SMIM31: variants seen among roughly 807,000 people sequenced by gnomAD.
SMIM31 encodes human epithelial cell program regulator.
At chr4:164,791,286 A>T (rs1733097188) in intron 2 of SMIM31, among the ~76,000 whole-genome samples, 1 of 152,218 alleles carries the variant, frequency 6.6e-6, no homozygotes, top group East Asian at 1.9e-4. Flanking sequence ...ATGAAAGAAG[A>T]CATGATGTAT....
chr4:164,762,538 G>A (rs922095415), intron 1 of SMIM31, among the ~76,000 whole-genome samples: 1 of 151,350 alleles, frequency 6.6e-6, no homozygotes, highest in African/African-American at 2.4e-5. Flanking sequence ...GCAACAGGGT[G>A]AAACCCCATC....
At chr4:164,758,794 C>T (rs1354870252) in intron 1 of SMIM31, among the ~76,000 whole-genome samples, 3 of 110,592 alleles carry the variant, frequency 2.7e-5, no homozygotes, top group Non-Finnish European at 5.6e-5. Context: ...CCACCACGCC[C>T]GGCCAAATTT....
intron 1 of SMIM31, among the ~76,000 whole-genome samples, chr4:164,757,611 A>C (rs1267346482): frequency 6.6e-6 from 1 of 152,102 alleles, no homozygotes; most frequent in Non-Finnish European, 1.5e-5. Flanking sequence ...TGAAGCAGAA[A>C]TAGAAGTTCC....
Position 164,803,194 on chromosome 4 carries a change from T to C in SMIM31, c.*2000T>C, listed in dbSNP as rs1733309308. 6.6e-6 allele frequency: 1 copy of C among 152,218 alleles called. No homozygotes were observed. Among genetic ancestry groups the C allele is most frequent in the African/African-American group, 2.4e-5 (1 of 41,452 alleles). 9.4% of individuals were successfully genotyped at this position (152,218 alleles called of 1,614,324 possible). On this transcript the variant is annotated 3_prime_UTR_variant, in exon 3 of 3. Transcript: ENST00000507311. ...AAATCAACAACATGGTTTCAAATAC[T>C]TGGATGAGGCTCCATTCACTCCCTT... is the stretch of plus-strand genomic sequence containing the variant.
At chr4:164,758,800 AATTTTTTTT>A (rs1732604467) in intron 1 of SMIM31, among the ~76,000 whole-genome samples, 1 of 73,402 alleles carries the variant, frequency 1.4e-5, no homozygotes, top group African/African-American at 5.6e-5. Flanking sequence ...CGCCCGGCCA[AATTTTTTTT>A]TTTTTTTTTT....
intron 2 of SMIM31, among the ~76,000 whole-genome samples, chr4:164,781,553 T>G (rs574537874): frequency 6.6e-6 from 1 of 152,328 alleles, no homozygotes; most frequent in African/African-American, 2.4e-5. Context: ...ATTATTGTTT[T>G]AGGCCAGATC....
chr4:164,759,810 C>A (rs915396753), intron 1 of SMIM31, among the ~76,000 whole-genome samples: 1 of 152,086 alleles, frequency 6.6e-6, no homozygotes, highest in Non-Finnish European at 1.5e-5. Context: ...AGCTTAAATT[C>A]TATTATACTA....
At chr4:164,762,623 A>G (rs1732665124) in intron 1 of SMIM31, among the ~76,000 whole-genome samples, 1 of 142,076 alleles carries the variant, frequency 7.0e-6, no homozygotes, top group Non-Finnish European at 1.5e-5. Context: ...AGATCGCACC[A>G]CTGCACTCCA....
chr4:164,796,239 T>C (rs1272148886), intron 2 of SMIM31, among the ~76,000 whole-genome samples: 1 of 152,256 alleles, frequency 6.6e-6, no homozygotes, highest in Non-Finnish European at 1.5e-5. Context: ...CTGTTCTTTT[T>C]CTTCAGTTTG....
intron 2 of SMIM31, among the ~76,000 whole-genome samples, chr4:164,776,135 T>C (rs1031342100): frequency 5.3e-5 from 8 of 152,174 alleles, no homozygotes; most frequent in Non-Finnish European, 1.2e-4. Flanking sequence ...CCCCCTCTAC[T>C]TGAATCTTAC....
At chr4:164,789,589 C>A (rs1319112074) in intron 2 of SMIM31, among the ~76,000 whole-genome samples, 1 of 152,008 alleles carries the variant, frequency 6.6e-6, no homozygotes. Context: ...CTTGCTCCTA[C>A]CTATATAGAA....
intron 1 of SMIM31, among the ~76,000 whole-genome samples, chr4:164,757,621 CT>C (rs375892361): frequency 2.4e-4 from 35 of 148,192 alleles, no homozygotes; most frequent in South Asian, 4.3e-4. Context: ...ATAGAAGTTC[CT>C]TTTTTTTTTC....
intron 2 of SMIM31, among the ~76,000 whole-genome samples, chr4:164,795,701 G>T (rs569396470): frequency 6.6e-6 from 1 of 150,900 alleles, no homozygotes; most frequent in Non-Finnish European, 1.5e-5. Context: ...AATAAATAAA[G>T]ATTGTATTTT....
At chr4:164,790,851 C>A (rs914174549) in intron 2 of SMIM31, among the ~76,000 whole-genome samples, 27 of 151,956 alleles carry the variant, frequency 1.8e-4, no homozygotes, top group African/African-American at 6.5e-4. Context: ...AAATAAAAGA[C>A]CTTAACAATT....
chr4:164,797,468 T>TTG (rs1260439771), intron 2 of SMIM31, among the ~76,000 whole-genome samples: 1 of 147,276 alleles, frequency 6.8e-6, no homozygotes, highest in Non-Finnish European at 1.5e-5. Flanking sequence ...TTCTTTTCTT[T>TTG]TTTTTTTTTT....
At chr4:164,781,899 G>T (rs745394147) in intron 2 of SMIM31, among the ~76,000 whole-genome samples, 1 of 152,192 alleles carries the variant, frequency 6.6e-6, no homozygotes, top group Non-Finnish European at 1.5e-5. Flanking sequence ...GGAGTAGCAC[G>T]GGGAATTGCA....
In SMIM31 at chr4:164,801,290, A is replaced by G. The variant is rs1292857291; in HGVS notation, c.*96A>G. 1 of 397,228 alleles carries G rather than the reference A, an allele frequency of 2.5e-6. No individual in the cohort carries two copies. Among genetic ancestry groups the G allele is most frequent in the Non-Finnish European group, 4.4e-6 (1 of 225,268 alleles). The allele number at this position is 397,228 out of a possible 1,614,324, so 24.6% of individuals were successfully genotyped here. On this transcript the variant is annotated 3_prime_UTR_variant, in exon 3 of 3. Transcript: ENST00000507311. ...TACACAAGAGGAGGGGATAATGAAG[A>G]AAGTTAAAATCACTTACTGATTAAA...
Position 164,782,372 on chromosome 4 carries a change from C to CT in SMIM31, c.112+11821dup, listed in dbSNP as rs1359094792. Among the ~76,000 whole-genome samples the CT allele has an allele frequency of 5.1e-4, 69 of 135,856 alleles. 4 individuals carry two copies. The highest frequency in any genetic ancestry group is 2.2e-3 in the African/African-American group (64 of 29,458). The allele number at this position is 135,856 out of a possible 152,430, so 89.1% of individuals were successfully genotyped here. A position where few individuals can be genotyped will look rare whatever the true frequency, so the allele number is the denominator to read the frequency against. On this transcript the variant is annotated intron_variant, in intron 2 of 2. Transcript: ENST00000507311. Reference sequence around the variant, plus strand: ...CTATAAAACACTACTTTATCTCTTTCTTTTATTTTTTTTTTTTTTTTTTTG... The same window carrying CT: ...CTATAAAACACTACTTTATCTCTTTCTTTTTATTTTTTTTTTTTTTTTTTTG...
Position 164,754,931 on chromosome 4 carries a change from G to T in SMIM31, c.-26+520G>T, listed in dbSNP as rs544027136. 1.4e-3 allele frequency among the ~76,000 whole-genome samples: 203 copies of T among 150,172 alleles called. 1 individual carries two copies. The highest frequency in any genetic ancestry group is 4.8e-3 in the African/African-American group (194 of 40,832). On this transcript the variant is annotated intron_variant, in intron 1 of 2. Coordinates refer to ENST00000507311, the MANE Select transcript of SMIM31 (RefSeq NM_001352885.1). Reference sequence around the variant, plus strand: ...AATGACGGTATTTCCTCCTGAGTATGATAGAAATATTTTTCTATCATCAGA... The same window carrying T: ...AATGACGGTATTTCCTCCTGAGTATTATAGAAATATTTTTCTATCATCAGA...
Sources: gnomAD v4.1 joint callset for allele counts (sites outside exome capture counted in the v4.1 genomes callset) on GRCh38, gnomAD v4.1.1 for gene constraint, MANE v1.5 for transcripts, NCBI Gene and HGNC (gene_info 2026-07-23, HGNC 2026-07-21) for gene names.